SPDYE18: variants seen among roughly 807,000 people sequenced by gnomAD.
The protein encoded by SPDYE18 is speedy/RINGO cell cycle regulator family member E18.
Under a neutral mutation model 44.9 loss-of-function variants are expected in SPDYE18, and 6 were observed. The observed-to-expected ratio is 0.13, with a 90% CI of 0.07 to 0.26. SPDYE18 has a LOEUF of 0.26. Ranked by LOEUF, SPDYE18 falls within the 10% of genes least tolerant of loss-of-function variation. The pLI, the probability that SPDYE18 is intolerant of heterozygous loss-of-function variation, is 1.00. For synonymous variants in SPDYE18, 35 were observed against 177.1 expected (o/e 0.20, Z 6.37); for missense variants, 121 against 463.2 (o/e 0.26, Z 6.78).
At chr7:77,058,129 TTTTTTTTTG>T (rs1421258371) in intron 3 of SPDYE18, among the ~76,000 whole-genome samples, 1 of 130,816 alleles carries the variant, frequency 7.6e-6, no homozygotes, top group African/African-American at 2.9e-5. Context: ...TTTTTTTTTT[TTTTTTTTTG>T]TTGTTGTTGT....
At chr7:77,059,641 C>G (rs1789988103) in intron 2 of SPDYE18, among the ~76,000 whole-genome samples, 1 of 151,350 alleles carries the variant, frequency 6.6e-6, no homozygotes, top group African/African-American at 2.4e-5. Flanking sequence ...CTCTCTGAGT[C>G]CCTCCTTTTT....
chr7:77,060,024 TTTTC>T (rs1303255256), intron 2 of SPDYE18, among the ~76,000 whole-genome samples: 47 of 92,234 alleles, frequency 5.1e-4, no homozygotes, highest in Admixed American at 5.2e-4. Flanking sequence ...TTCTTTTTTC[TTTTC>T]TTTTTTTTTT....
chr7:77,051,541 G>A lies in SPDYE18; in HGVS notation c.*384C>T, dbSNP rs192637720. On this transcript the variant is annotated 3_prime_UTR_variant, in exon 9 of 9. Coordinates refer to ENST00000510091, the MANE Select transcript of SPDYE18 (RefSeq NM_001394953.1). ...GTGCCTTCAAATGCTCCTGGACTGT[G>A]GCAACCAAGTCTGTAAGAAACAGGA... is the stretch of plus-strand genomic sequence containing the variant. Among the ~76,000 whole-genome samples the A allele has an allele frequency of 2.4e-3, 372 of 152,354 alleles. 4 individuals carry two copies. In the East Asian group the frequency reaches 0.063, roughly 26 times the overall value.
rs1789793169 is a variant in SPDYE18, at chr7:77,051,372, A to C, written c.*553T>G. On this transcript the variant is annotated 3_prime_UTR_variant, in exon 9 of 9. Coordinates refer to ENST00000510091, the MANE Select transcript of SPDYE18 (RefSeq NM_001394953.1). ...TCAAAAGTACAACAATTTCCAAACT[A>C]TTTGAAATAAATCTATGAATAATTC... 6.6e-6 allele frequency among the ~76,000 whole-genome samples: 1 copy of C among 152,298 alleles called. No individual in the cohort carries two copies. The highest frequency in any genetic ancestry group is 2.1e-4 in the South Asian group (1 of 4,838).
At chr7:77,062,423 C>T (rs1790032497) in intron 1 of SPDYE18, among the ~76,000 whole-genome samples, 73 bp downstream of exon 1, 1 of 151,754 alleles carries the variant, frequency 6.6e-6, no homozygotes, top group Non-Finnish European at 1.5e-5. Context: ...TAAAATTTCT[C>T]TTTTGTGGAA....
Position 77,060,528 on chromosome 7 carries a change from A to C in SPDYE18, c.-16T>G, listed in dbSNP as rs1033670959. 36 of 1,534,938 alleles carry C rather than the reference A, an allele frequency of 2.3e-5. No individual in the cohort carries two copies. In the Admixed American group the frequency reaches 2.6e-4, roughly 11 times the overall value. ...TTCTGTCCATGGCCTTCTTCTGGAC[A>C]CTGCTAGGATCCAGAAGAGTATGTT... On this transcript the variant is annotated 5_prime_UTR_variant, in exon 2 of 9. Coordinates refer to ENST00000510091, the MANE Select transcript of SPDYE18 (RefSeq NM_001394953.1).
chr7:77,060,028 CTTTTTT>C (rs71251020), intron 2 of SPDYE18, among the ~76,000 whole-genome samples: 3 of 117,122 alleles, frequency 2.6e-5, no homozygotes, highest in Non-Finnish European at 5.5e-5. Context: ...TTTTTCTTTT[CTTTTTT>C]TTTTTTTTTG....
At chr7:77,059,762 G>C (rs1166279783) in intron 2 of SPDYE18, among the ~76,000 whole-genome samples, 1 of 147,416 alleles carries the variant, frequency 6.8e-6, no homozygotes, top group Non-Finnish European at 1.5e-5. Flanking sequence ...TTATTCTTCT[G>C]CCTCAGCCTC....
At chr7:77,054,547 G>A (rs1400500803) in intron 6 of SPDYE18, among the ~76,000 whole-genome samples, 2 of 151,430 alleles carry the variant, frequency 1.3e-5, no homozygotes, top group Admixed American at 6.6e-5. Context: ...ATGCGAGGGG[G>A]ACCTGAACTG....
chr7:77,052,883 ACC>A (rs1789834951), intron 7 of SPDYE18, 46 bp from the exon 8 acceptor site: 1 of 1,611,374 alleles, frequency 6.2e-7, no homozygotes, highest in African/African-American at 1.3e-5. Context: ...TCGCCAGGAT[ACC>A]CCTCTCTCCC....
Position 77,053,284 on chromosome 7 carries a change from G to A in SPDYE18, c.756-81C>T, listed in dbSNP as rs886288335. 3.2e-6 allele frequency: 5 copies of A among 1,545,100 alleles called. 1 individual carries two copies. In the African/African-American group the frequency reaches 6.8e-5, roughly 21 times the overall value. ...TGAGGTCAGCTTCCCAGAGAGGAAG[G>A]TAAGGGACTGTCCCTAGCTCAGGAC... On this transcript the variant is annotated intron_variant, in intron 6 of 8. Transcript: ENST00000510091.
At chr7:77,054,792 A>C (rs1789889007) in intron 6 of SPDYE18, among the ~76,000 whole-genome samples, 1 of 150,972 alleles carries the variant, frequency 6.6e-6, no homozygotes, top group Admixed American at 6.6e-5. Context: ...TTTTGAGAAA[A>C]AGTCTCACTC....
chr7:77,050,812 CA>C lies in SPDYE18; in HGVS notation c.*1112del, dbSNP rs1298680126. On this transcript the variant is annotated 3_prime_UTR_variant, in exon 9 of 9. Coordinates refer to ENST00000510091, the MANE Select transcript of SPDYE18 (RefSeq NM_001394953.1). The stretch of plus-strand genomic sequence containing the variant: ...TGTATATAATAGTTATAACACCCAT[CA>C]CACAGCTTTATAGAAACAGCATCTA... Among the ~76,000 whole-genome samples, 50 of 151,498 alleles carry C rather than the reference CA, an allele frequency of 3.3e-4. No homozygotes were observed. The highest frequency in any genetic ancestry group is 1.1e-3 in the African/African-American group (45 of 41,520).
chr7:77,056,411 CAAAAA>C (rs373429726), intron 5 of SPDYE18, 134 bp downstream of exon 5: 943 of 332,176 alleles, frequency 2.8e-3, no homozygotes, highest in East Asian at 3.2e-3. Flanking sequence ...CTCTGTCTCA[CAAAAA>C]AAAAAAAAAA....
At position 77,051,751 on chromosome 7, in the gene SPDYE18, CCA is replaced by C. The variant is rs1789803757; in HGVS notation, c.*172_*173del. On this transcript the variant is annotated 3_prime_UTR_variant, in exon 9 of 9. Coordinates refer to ENST00000510091, the MANE Select transcript of SPDYE18 (RefSeq NM_001394953.1). Reference sequence around the variant, plus strand: ...GACAACGTGATCACTGTATTCAGCTCCATCAAGAATGGTCCAGGTTCTTCTAG... The same window carrying C: ...GACAACGTGATCACTGTATTCAGCTCTCAAGAATGGTCCAGGTTCTTCTAG... Among the ~76,000 whole-genome samples, 3 of 148,060 alleles carry C rather than the reference CCA, an allele frequency of 2.0e-5. No individual in the cohort carries two copies. Among genetic ancestry groups the C allele is most frequent in the African/African-American group, 7.4e-5 (3 of 40,700 alleles).
chr7:77,052,572 G>T (rs1175156409), intron 8 of SPDYE18, among the ~76,000 whole-genome samples, 161 bp downstream of exon 8: 2 of 152,282 alleles, frequency 1.3e-5, no homozygotes, highest in African/African-American at 4.8e-5. Flanking sequence ...GTAGTTGGGA[G>T]TAGAGATGCG....
At position 77,051,630 on chromosome 7, in the gene SPDYE18, G is replaced by C. The variant is rs1312860171; in HGVS notation, c.*295C>G. 6.6e-6 allele frequency among the ~76,000 whole-genome samples: 1 copy of C among 152,250 alleles called. No homozygotes were observed. The highest frequency in any genetic ancestry group is 1.9e-4 in the East Asian group (1 of 5,196). The stretch of plus-strand genomic sequence containing the variant: ...TATAGAAAGGGTGGTGGTGCCGCAG[G>C]AAAGGGTGGAACTGGAAACACTCCT... On this transcript the variant is annotated 3_prime_UTR_variant, in exon 9 of 9. Coordinates refer to ENST00000510091, the MANE Select transcript of SPDYE18 (RefSeq NM_001394953.1).
In SPDYE18 at chr7:77,051,806, C is replaced by T. The variant is rs1203628256; in HGVS notation, c.*119G>A. ...GATCTGCACAAATGGTTCCTCTCCT[C>T]TTTCCTGTTGTCTGCCATTAGCATT... On this transcript the variant is annotated 3_prime_UTR_variant, in exon 9 of 9. Transcript: ENST00000510091. 1.3e-5 allele frequency among the ~76,000 whole-genome samples: 2 copies of T among 151,838 alleles called. No homozygotes were observed. The highest frequency in any genetic ancestry group is 2.9e-5 in the Non-Finnish European group (2 of 67,992).
chr7:77,054,909 A>G (rs1358828585), intron 6 of SPDYE18, among the ~76,000 whole-genome samples: 1 of 152,180 alleles, frequency 6.6e-6, no homozygotes, highest in African/African-American at 2.4e-5. Flanking sequence ...CTGGGATTAC[A>G]GATGCACACC....
Sources: allele counts gnomAD v4.1 joint callset (sites outside exome capture counted in the v4.1 genomes callset), GRCh38; gene constraint gnomAD v4.1.1; transcripts MANE v1.5; gene names NCBI Gene and HGNC (gene_info 2026-07-23, HGNC 2026-07-21).